The following DNER variants were observed in gnomAD, a reference collection of about 807,000 sequenced individuals.
DNER encodes delta/notch like EGF repeat containing.
DNER carries 33 observed loss-of-function variants against 78.2 expected under a neutral mutation model. The ratio of observed to expected loss-of-function variants is 0.42; its 90% CI spans 0.32 to 0.56. The LOEUF is 0.56. Among genes scored for constraint, DNER ranks in the 20% least tolerant of loss-of-function variants. The pLI is 0.11. For missense variants in DNER, 918 were observed against 975.3 expected (o/e 0.94, Z 0.78); for synonymous variants, 417 against 384.8 (o/e 1.08, Z -0.98).
intron 1 of DNER, among the ~76,000 whole-genome samples, chr2:229,659,815 C>T (rs1330011775): frequency 6.6e-6 from 1 of 152,090 alleles, no homozygotes; most frequent in African/African-American, 2.4e-5. Flanking sequence ...CATAATGTTA[C>T]TTGTTTAGCT....
chr2:229,603,512 A>G (rs367866198), intron 1 of DNER, among the ~76,000 whole-genome samples: 1 of 150,972 alleles, frequency 6.6e-6, no homozygotes, highest in African/African-American at 2.5e-5. Context: ...ATAGCCTTAT[A>G]CAACAAGTAG....
chr2:229,423,921 C>T (rs1693816872), intron 8 of DNER, among the ~76,000 whole-genome samples: 1 of 152,176 alleles, frequency 6.6e-6, no homozygotes, highest in Non-Finnish European at 1.5e-5. Context: ...CTATTTTTAT[C>T]ATAGTTCTTT....
chr2:229,668,445 CTT>C (rs1491473467), intron 1 of DNER, among the ~76,000 whole-genome samples: 5 of 126,352 alleles, frequency 4.0e-5, no homozygotes, highest in Admixed American at 7.8e-5. Context: ...TATATATACA[CTT>C]ATATATATAT....
chr2:229,693,021 T>C (rs867675546), intron 1 of DNER, among the ~76,000 whole-genome samples: 3 of 152,000 alleles, frequency 2.0e-5, no homozygotes, highest in Admixed American at 6.6e-5. Flanking sequence ...CAGTCTGATA[T>C]GGTTTGGTTG....
chr2:229,591,454 G>A lies in DNER; in HGVS notation c.585+126C>T. On this transcript the variant is annotated intron_variant, in intron 2 of 12. Coordinates refer to ENST00000341772, the MANE Select transcript of DNER (RefSeq NM_139072.4). This position sits in a 1 kb window ranked among gnomAD's most constrained non-coding sequence, Gnocchi z 4.6. ...AAATGCAGACAGGAATAAGTTTAGG[G>A]AGATATTTTGCTTCGTGATTTAACT... 2.6e-6 allele frequency: 3 copies of A among 1,145,926 alleles called. No individual in the cohort carries two copies. Among genetic ancestry groups the A allele is most frequent in the Non-Finnish European group, 3.6e-6 (3 of 826,758 alleles). 71.0% of individuals were successfully genotyped at this position (1,145,926 alleles called of 1,614,324 possible).
intron 1 of DNER, among the ~76,000 whole-genome samples, chr2:229,709,035 A>G (rs1699870710): frequency 6.6e-6 from 1 of 152,242 alleles, no homozygotes; most frequent in African/African-American, 2.4e-5. Context: ...TTTCATTTTC[A>G]AAACATGTCA....
In DNER at chr2:229,527,951, G is replaced by A. The variant is rs1696238175; in HGVS notation, c.994-15015C>T. ...CTTCAAAGCAATGGCTAAAAAGTGAGGCAAAGGGCACATTTCTGTGGCCAG... is the reference window on the plus strand; with the variant it reads ...CTTCAAAGCAATGGCTAAAAAGTGAAGCAAAGGGCACATTTCTGTGGCCAG... On this transcript the variant is annotated intron_variant, in intron 5 of 12. Coordinates refer to ENST00000341772, the MANE Select transcript of DNER (RefSeq NM_139072.4). Among the ~76,000 whole-genome samples the A allele has an allele frequency of 2.0e-5, 3 of 152,310 alleles. No individual in the cohort carries two copies. The South Asian group carries it at 6.2e-4, about 32-fold the overall frequency.
intron 7 of DNER, among the ~76,000 whole-genome samples, chr2:229,474,055 G>A (rs1694982787): frequency 6.6e-6 from 1 of 152,160 alleles, no homozygotes; most frequent in African/African-American, 2.4e-5. Flanking sequence ...ACAGGTGTGT[G>A]CCACCACACC....
chr2:229,447,628 A>G lies in DNER; in HGVS notation c.1262-88T>C, dbSNP rs868615223. ...ACTGAGTCTGCTCCACTGTATATGC[A>G]TAACAATTAATTCATTCACAGCTTC... On this transcript the variant is annotated intron_variant, in intron 7 of 12. Coordinates refer to ENST00000341772, the MANE Select transcript of DNER (RefSeq NM_139072.4). 2.3e-6 allele frequency: 3 copies of G among 1,319,292 alleles called. No individual in the cohort carries two copies. The Middle Eastern group carries it at 6.2e-4, about 274-fold the overall frequency. The allele number at this position is 1,319,292 out of a possible 1,614,324, so 81.7% of individuals were successfully genotyped here. A position where few individuals can be genotyped will look rare whatever the true frequency, so the allele number is the denominator to read the frequency against.
intron 6 of DNER, among the ~76,000 whole-genome samples, chr2:229,479,741 A>G (rs1695116428): frequency 6.6e-6 from 1 of 151,562 alleles, no homozygotes; most frequent in African/African-American, 2.4e-5. Context: ...ACAAAAAACC[A>G]TAAATATAAA....
chr2:229,533,351 T>C (rs1375444791), intron 5 of DNER, among the ~76,000 whole-genome samples: 2 of 152,086 alleles, frequency 1.3e-5, no homozygotes, highest in Non-Finnish European at 2.9e-5. Context: ...TCTGTTGACA[T>C]GGACACCAAA....
At position 229,393,084 on chromosome 2, in the gene DNER, A is replaced by G. The variant is rs376132912; in HGVS notation, c.1724-4688T>C. ...ACATGGAAAATAAAAAACAAGCCCA[A>G]TGGAACTTTTAGATATGAAAAATAC... On this transcript the variant is annotated intron_variant, in intron 10 of 12. Transcript: ENST00000341772. Among the ~76,000 whole-genome samples, 33 of 152,274 alleles carry G rather than the reference A, an allele frequency of 2.2e-4. 1 individual carries two copies. The highest frequency in any genetic ancestry group is 6.5e-4 in the African/African-American group (27 of 41,576).
chr2:229,610,184 T>C (rs1478376080), intron 1 of DNER, among the ~76,000 whole-genome samples: 2 of 152,184 alleles, frequency 1.3e-5, no homozygotes, highest in African/African-American at 4.8e-5. Flanking sequence ...GCACAAGTTC[T>C]GAAAATAAAC....
chr2:229,607,846 A>C (rs1697967842), intron 1 of DNER, among the ~76,000 whole-genome samples: 1 of 151,968 alleles, frequency 6.6e-6, no homozygotes, highest in Non-Finnish European at 1.5e-5. Flanking sequence ...AACATGATGA[A>C]ACCCCACCTC....
intron 1 of DNER, among the ~76,000 whole-genome samples, chr2:229,614,893 A>G (rs16826277): frequency 0.023 from 3,501 of 152,356 alleles, 153 homozygotes; most frequent in African/African-American, 0.079. Flanking sequence ...AGTCACTTGA[A>G]GTCTAACATT....
chr2:229,667,656 C>T (rs1699117324), intron 1 of DNER, among the ~76,000 whole-genome samples: 1 of 152,042 alleles, frequency 6.6e-6, no homozygotes, highest in Non-Finnish European at 1.5e-5. Flanking sequence ...GTTGTGGGTC[C>T]CCTATGTTTG....
intron 8 of DNER, among the ~76,000 whole-genome samples, chr2:229,430,579 T>C (rs1693981711): frequency 6.6e-6 from 1 of 152,044 alleles, no homozygotes; most frequent in South Asian, 2.1e-4. Flanking sequence ...CCCTCGAACA[T>C]CAGACTACAA....
intron 1 of DNER, among the ~76,000 whole-genome samples, chr2:229,683,209 CT>C (rs1162347358): frequency 3.9e-5 from 6 of 152,272 alleles, no homozygotes; most frequent in African/African-American, 1.4e-4. Context: ...CCCTACCCCC[CT>C]CTTAGATATA....
At chr2:229,381,891 AGAGCAGTG>A (rs1439765694) in intron 11 of DNER, among the ~76,000 whole-genome samples, 2 of 152,202 alleles carry the variant, frequency 1.3e-5, no homozygotes, top group Non-Finnish European at 2.9e-5. Context: ...GGCTCTGAAG[AGAGCAGTG>A]GATCTCCCAG....
Sources: allele counts gnomAD v4.1 joint callset (sites outside exome capture counted in the v4.1 genomes callset), GRCh38; gene constraint gnomAD v4.1.1; non-coding constraint Gnocchi (gnomAD v3.1); transcripts MANE v1.5; gene names NCBI Gene and HGNC (gene_info 2026-07-23, HGNC 2026-07-21).